The following R3HCC1 variants were observed in gnomAD, a reference collection of about 807,000 sequenced individuals.
R3HCC1 encodes the protein R3H domain and coiled-coil containing 1.
A neutral mutation model predicts 40.0 loss-of-function variants in R3HCC1; 32 were observed. The ratio of observed to expected loss-of-function variants is 0.80; its 90% confidence interval spans 0.60 to 1.07. R3HCC1 has a LOEUF of 1.07. Ranked by LOEUF, R3HCC1 falls within the 50% of genes least tolerant of loss-of-function variation. R3HCC1 has a pLI of 0.00. For missense variants in R3HCC1, 586 were observed against 563.3 expected, an observed-to-expected ratio of 1.04 and a Z score of -0.41; for synonymous variants, 237 against 232.8, an observed-to-expected ratio of 1.02 and a Z score of -0.17.
rs137952235 is a variant in R3HCC1, at chr8:23,294,897, CTGTG to C, written c.1192+46_1192+49del. The C allele has an allele frequency of 1.2e-4, 160 of 1,373,432 alleles. 1 individual carries two copies. Among genetic ancestry groups the C allele is most frequent in the Non-Finnish European group, 1.3e-4 (132 of 998,896 alleles). The allele number at this position is 1,373,432 out of a possible 1,614,324, so 85.1% of individuals were successfully genotyped here. ...AAGCGCATGTCCCTGAATAGGGAGGCTGTGTGTGTGTGTGTGCGTGCGAGCATGT... is the reference window on the plus strand; with the variant it reads ...AAGCGCATGTCCCTGAATAGGGAGGCTGTGTGTGTGTGCGTGCGAGCATGT... On this transcript the variant is annotated intron_variant, in intron 7 of 7. Transcript: ENST00000265806.
intron 7 of R3HCC1, chr8:23,295,564 GTGGT>G (rs1802990773): frequency 4.3e-6 from 2 of 463,978 alleles, no homozygotes; most frequent in Admixed American, 2.4e-5. Context: ...GCTCTCGTGG[GTGGT>G]TACGTAGCCA....
chr8:23,294,782 G>A lies in R3HCC1; in HGVS notation c.1110G>A (p.Leu370=), dbSNP rs974277616. ...TTCTTTCCACAGCTGCGGAAGCCCTGACCCGGGAGTTCTCGGTGCTCAAGA... is the reference window on the plus strand; with the variant it reads ...TTCTTTCCACAGCTGCGGAAGCCCTAACCCGGGAGTTCTCGGTGCTCAAGA... The change falls in exon 7 of 8, where the codon CTG becomes CTA. Residue 370 remains leucine (L), a synonymous_variant. Transcript: ENST00000265806. The A allele has an allele frequency of 1.3e-6, 2 of 1,551,162 alleles. No individual in the cohort carries two copies. The highest frequency in any genetic ancestry group is 1.4e-5 in the African/African-American group (1 of 72,998).
At chr8:23,290,643 G>A (rs1323797566) in intron 4 of R3HCC1, among the ~76,000 whole-genome samples, 174 bp downstream of exon 4, 2 of 152,180 alleles carry the variant, frequency 1.3e-5, no homozygotes, top group African/African-American at 4.8e-5. Context: ...GTGTGGATTT[G>A]GGTCCCAGCC....
chr8:23,291,014 G>T (rs557400693), intron 4 of R3HCC1: 13 of 221,422 alleles, frequency 5.9e-5, no homozygotes, highest in Non-Finnish European at 9.9e-5. Flanking sequence ...GACTTGCCCA[G>T]CTCTGCCTCT....
At chr8:23,289,738 G>T (rs941477340) in intron 3 of R3HCC1, 128 bp from the exon 4 acceptor site, 1 of 1,318,318 alleles carries the variant, frequency 7.6e-7, no homozygotes, top group African/African-American at 1.5e-5. Flanking sequence ...ATTTTCGAGG[G>T]TCATTTTGGC....
intron 1 of R3HCC1, 152 bp from the exon 2 acceptor site, chr8:23,288,354 C>G (rs958152806): frequency 2.2e-5 from 27 of 1,214,032 alleles, no homozygotes; most frequent in Non-Finnish European, 2.8e-5. Flanking sequence ...CTTCCCTGAC[C>G]CCTGACTTGC....
Position 23,293,346 on chromosome 8 carries a change from C to T in R3HCC1, c.1069C>T (p.Leu357Phe), listed in dbSNP as rs1802914516. The T allele has an allele frequency of 6.4e-7, 1 of 1,551,278 alleles. No homozygotes were observed. The highest frequency in any genetic ancestry group is 8.7e-7 in the Non-Finnish European group (1 of 1,146,926). The change falls in exon 6 of 8, where the codon CTC (leucine) becomes TTC (phenylalanine). Residue 357 changes from leucine (L) to phenylalanine (F), a missense_variant. Physicochemically the swap from Leu to Phe is conservative, Grantham distance 22 (BLOSUM62 0). Transcript: ENST00000265806. ...TCAGTGGGTGGATGATACTCACGCA[C>T]TCGGCATCTTTCCCTGCCTGGCCTC... is the stretch of plus-strand genomic sequence containing the variant.
chr8:23,294,936 C>CAT, intron 7 of R3HCC1, 72 bp downstream of exon 7: 1 of 1,040,570 alleles, frequency 9.6e-7, no homozygotes, highest in Admixed American at 2.0e-5. Context: ...TGTGTGTGTG[C>CAT]GTGTGTGTGT....
chr8:23,288,935 AT>A (rs1182688274), intron 2 of R3HCC1, 80 bp from the exon 3 acceptor site: 1 of 1,441,968 alleles, frequency 6.9e-7, no homozygotes, highest in Non-Finnish European at 9.3e-7. Context: ...CCCAGTGTTA[AT>A]CCGCGATTAA....
At chr8:23,288,963 G>A (rs557859830) in intron 2 of R3HCC1, 53 bp from the exon 3 acceptor site, 1 of 1,529,268 alleles carries the variant, frequency 6.5e-7, no homozygotes, top group South Asian at 1.2e-5. Context: ...AGTGGACCTG[G>A]TAGGGGCCAG....
At chr8:23,295,704 C>T (rs3802240) in intron 7 of R3HCC1, 22,285 of 552,842 alleles carry the variant, frequency 0.04, 551 homozygotes, top group Middle Eastern at 0.072. Context: ...GCAGGATGAA[C>T]CCCTCAGCCC....
chr8:23,294,201 G>A (rs1802938021), intron 6 of R3HCC1, among the ~76,000 whole-genome samples: 1 of 152,282 alleles, frequency 6.6e-6, no homozygotes, highest in African/African-American at 2.4e-5. Flanking sequence ...AGGCTGCCCT[G>A]TGCTGCGAGA....
chr8:23,291,149 C>G, intron 4 of R3HCC1: 1 of 497,020 alleles, frequency 2.0e-6, no homozygotes, highest in Admixed American at 3.3e-5. Context: ...AATTGCCAGT[C>G]ACTTAGTGGG....
intron 1 of R3HCC1, 31 bp from the exon 2 acceptor site, chr8:23,288,475 T>C (rs1802788117): frequency 7.8e-6 from 12 of 1,534,920 alleles, no homozygotes; most frequent in Middle Eastern, 1.7e-4. Context: ...GTCTGTGCTC[T>C]GATTCCCGGC....
chr8:23,294,895 GGC>G, intron 7 of R3HCC1, 31 bp downstream of exon 7: 1 of 1,464,128 alleles, frequency 6.8e-7, no homozygotes. Flanking sequence ...TGAATAGGGA[GGC>G]TGTGTGTGTG....
At position 23,294,696 on chromosome 8, in the gene R3HCC1, G is replaced by C. The variant is rs966028850; in HGVS notation, c.1097-73G>C. The C allele has an allele frequency of 5.9e-5, 68 of 1,146,660 alleles. No homozygotes were observed. The South Asian group carries it at 6.6e-4, about 11-fold the overall frequency. 71.0% of individuals were successfully genotyped at this position (1,146,660 alleles called of 1,614,324 possible). ...AATAGGTGCACAACACGGCTGCAGG[G>C]GTTCGGGGTGGTGGGTGTGCCGCGG... On this transcript the variant is annotated intron_variant, in intron 6 of 7. Coordinates refer to ENST00000265806, the MANE Select transcript of R3HCC1 (RefSeq NM_001136108.3).
chr8:23,293,180 TG>T, intron 5 of R3HCC1, 122 bp from the exon 6 acceptor site: 1 of 713,192 alleles, frequency 1.4e-6, no homozygotes. Context: ...CCAGAAGAGA[TG>T]GGACCTTGCC....
intron 6 of R3HCC1, 39 bp downstream of exon 6, chr8:23,293,412 C>G: frequency 1.3e-6 from 2 of 1,499,534 alleles, no homozygotes; most frequent in Non-Finnish European, 1.8e-6. Context: ...TGCTCGGATC[C>G]CTGTTGAGAG....
At chr8:23,292,723 G>A (rs913331865) in intron 5 of R3HCC1, among the ~76,000 whole-genome samples, 1 of 152,228 alleles carries the variant, frequency 6.6e-6, no homozygotes, top group Non-Finnish European at 1.5e-5. Flanking sequence ...AGAGCCGAAG[G>A]GGTGGCTAGG....
Sources: gnomAD v4.1 joint callset for allele counts (sites outside exome capture counted in the v4.1 genomes callset) on GRCh38, gnomAD v4.1.1 for gene constraint, MANE v1.5 for transcripts, NCBI Gene and HGNC (gene_info 2026-07-23, HGNC 2026-07-21) for gene names.